DCTN6: variants seen among roughly 807,000 people sequenced by gnomAD.
DCTN6 encodes the protein dynactin subunit 6.
DCTN6 carries 15 observed loss-of-function variants against 25.8 expected under a neutral mutation model. The observed-to-expected ratio is 0.58, with a 90% CI of 0.39 to 0.89. The LOEUF (loss-of-function observed/expected upper bound fraction) is 0.89, where lower values mean the gene tolerates loss of function less well. DCTN6 is among the 40% of genes least tolerant of loss of function. DCTN6 has a pLI of 0.00. For missense variants in DCTN6, 198 were observed against 237.6 expected, an observed-to-expected ratio of 0.83 and a Z score of 1.09; for synonymous variants, 64 against 78.3, an observed-to-expected ratio of 0.82 and a Z score of 0.96.
intron 3 of DCTN6, 32 bp downstream of exon 3, chr8:30,175,222 A>G: frequency 6.4e-7 from 1 of 1,572,416 alleles, no homozygotes; most frequent in Non-Finnish European, 8.7e-7. Flanking sequence ...TGAACCAAGT[A>G]CCATGGGTAA....
At chr8:30,183,002 C>T (rs1414315060) in intron 6 of DCTN6, 73 bp from the exon 7 acceptor site, 19 of 1,289,374 alleles carry the variant, frequency 1.5e-5, no homozygotes, top group Non-Finnish European at 1.1e-6. Context: ...GCATGACCCA[C>T]CACGCCTGGT....
At chr8:30,158,447 T>A (rs1803554474) in intron 1 of DCTN6, among the ~76,000 whole-genome samples, 1 of 152,144 alleles carries the variant, frequency 6.6e-6, no homozygotes, top group Non-Finnish European at 1.5e-5. Flanking sequence ...GTGTCGCTCA[T>A]TTATCATGGA....
chr8:30,158,316 T>A (rs1419180226), intron 1 of DCTN6, among the ~76,000 whole-genome samples: 1 of 152,220 alleles, frequency 6.6e-6, no homozygotes, highest in Non-Finnish European at 1.5e-5. Context: ...AGAGACATTT[T>A]ATAGAGGCTA....
chr8:30,164,081 C>T, intron 1 of DCTN6, 30 bp from the exon 2 acceptor site: 1 of 1,583,576 alleles, frequency 6.3e-7, no homozygotes, highest in Non-Finnish European at 8.7e-7. Flanking sequence ...AATCTTACCC[C>T]TGGTAAATGT....
intron 1 of DCTN6, among the ~76,000 whole-genome samples, chr8:30,157,307 A>G (rs1433542274): frequency 2.6e-5 from 4 of 152,166 alleles, no homozygotes; most frequent in Admixed American, 2.6e-4. Context: ...CATCGTATAG[A>G]TACACCACAT....
At position 30,156,405 on chromosome 8, in the gene DCTN6, A is replaced by T; in HGVS notation, c.22A>T (p.Ser8Cys). The stretch of plus-strand genomic sequence containing the variant: ...TACCATGGCGGAGAAGACTCAAAAG[A>T]GGTGGGTTTGCTGCTTGAGAAAAGC... MAEKTQK[S>C]VKIAPGAVVC... Residue 8 changes from serine (S) to cysteine (C), a missense_variant and splice_region_variant, in exon 1 of 7, where the codon AGT becomes TGT. Transcript: ENST00000221114. The T allele has an allele frequency of 6.2e-7, 1 of 1,604,886 alleles. No individual in the cohort carries two copies. The highest frequency in any genetic ancestry group is 8.5e-7 in the Non-Finnish European group (1 of 1,175,718).
At chr8:30,167,707 C>G (rs2117583830) in intron 2 of DCTN6, among the ~76,000 whole-genome samples, 1 of 152,030 alleles carries the variant, frequency 6.6e-6, no homozygotes, top group East Asian at 1.9e-4. Context: ...TTCTTTCTTT[C>G]TTTCTTTTTG....
intron 6 of DCTN6, among the ~76,000 whole-genome samples, chr8:30,181,998 T>C (rs1007299063): frequency 1.1e-4 from 17 of 152,154 alleles, no homozygotes; most frequent in African/African-American, 3.4e-4. Context: ...TCATTATTAT[T>C]ATTATTATTT....
At chr8:30,158,575 A>T (rs1453888062) in intron 1 of DCTN6, among the ~76,000 whole-genome samples, 1 of 152,048 alleles carries the variant, frequency 6.6e-6, no homozygotes, top group African/African-American at 2.4e-5. Context: ...CTAGTCTCTG[A>T]ATTTCAGTTT....
intron 5 of DCTN6, among the ~76,000 whole-genome samples, chr8:30,180,074 CTT>C (rs1803892046): frequency 6.6e-6 from 1 of 152,144 alleles, no homozygotes; most frequent in African/African-American, 2.4e-5. Context: ...TACTTAATGA[CTT>C]TTATTTTAAT....
At chr8:30,157,309 A>G (rs536664349) in intron 1 of DCTN6, among the ~76,000 whole-genome samples, 1 of 152,358 alleles carries the variant, frequency 6.6e-6, no homozygotes, top group East Asian at 1.9e-4. Context: ...TCGTATAGAT[A>G]CACCACATTT....
rs146516241 is a variant in DCTN6 at position 30,171,334 on chromosome 8, C to T, written c.89-3751C>T. On this transcript the variant is annotated intron_variant, in intron 2 of 6. Coordinates refer to ENST00000221114, the MANE Select transcript of DCTN6 (RefSeq NM_006571.4). The stretch of plus-strand genomic sequence containing the variant: ...GTACAATCATTGTTCCCTGTAGCCT[C>T]GAACCCCTGGACTCAAGCAATCCTC... Among the ~76,000 whole-genome samples, 725 of 152,140 alleles carry T rather than the reference C, an allele frequency of 4.8e-3. 6 individuals carry two copies. The highest frequency in any genetic ancestry group is 0.017 in the African/African-American group (688 of 41,482).
chr8:30,169,358 A>C (rs1803730546), intron 2 of DCTN6, among the ~76,000 whole-genome samples: 1 of 152,180 alleles, frequency 6.6e-6, no homozygotes, highest in Non-Finnish European at 1.5e-5. Flanking sequence ...TCTGTGGCAA[A>C]GATAGACAGG....
intron 1 of DCTN6, 64 bp from the exon 2 acceptor site, chr8:30,164,047 G>T: frequency 7.3e-7 from 1 of 1,368,118 alleles, no homozygotes; most frequent in South Asian, 1.2e-5. Flanking sequence ...ACAATGTCAC[G>T]GTAGCTCCTC....
At chr8:30,160,671 C>T (rs1389411456) in intron 1 of DCTN6, among the ~76,000 whole-genome samples, 4 of 152,162 alleles carry the variant, frequency 2.6e-5, no homozygotes, top group Non-Finnish European at 4.4e-5. Flanking sequence ...TAATTATTTA[C>T]ATAGCATTTA....
At chr8:30,161,270 A>G (rs1803590540) in intron 1 of DCTN6, among the ~76,000 whole-genome samples, 2 of 152,074 alleles carry the variant, frequency 1.3e-5, no homozygotes, top group South Asian at 4.1e-4. Context: ...GTCATGTGGA[A>G]CTGTGAGTCA....
At chr8:30,167,844 A>G (rs912770451) in intron 2 of DCTN6, among the ~76,000 whole-genome samples, 1 of 152,120 alleles carries the variant, frequency 6.6e-6, no homozygotes, top group East Asian at 1.9e-4. Flanking sequence ...AATTACAGGC[A>G]TGTGCCACCA....
chr8:30,166,452 A>G (rs1275749087), intron 2 of DCTN6, among the ~76,000 whole-genome samples: 3 of 151,900 alleles, frequency 2.0e-5, no homozygotes, highest in Non-Finnish European at 4.4e-5. Context: ...CTGGCCCAAC[A>G]ACAACCCCAT....
rs1199723973 is a variant in DCTN6, at chr8:30,181,049, AT to A, written c.474+420del. ...AAAATAAATAAATAAAAAGAAAACA[AT>A]GAGAAACATCCCGAAAACCAGGATT... On this transcript the variant is annotated intron_variant, in intron 6 of 6. Coordinates refer to ENST00000221114, the MANE Select transcript of DCTN6 (RefSeq NM_006571.4). 3.2e-5 allele frequency: 6 copies of A among 185,838 alleles called. No homozygotes were observed. The East Asian group carries it at 7.6e-4, about 23-fold the overall frequency. 11.5% of individuals were successfully genotyped at this position (185,838 alleles called of 1,614,324 possible).
Sources: gnomAD v4.1 joint callset for allele counts (sites outside exome capture counted in the v4.1 genomes callset) on GRCh38, gnomAD v4.1.1 for gene constraint, MANE v1.5 for transcripts, NCBI Gene and HGNC (gene_info 2026-07-23, HGNC 2026-07-21) for gene names.